MAEL: variants seen among roughly 807,000 people sequenced by gnomAD.
The protein encoded by MAEL is protein maelstrom homolog.
A neutral mutation model predicts 62.0 loss-of-function variants in MAEL; 46 were observed. The ratio of observed to expected loss-of-function variants is 0.74; its 90% CI spans 0.59 to 0.95. The LOEUF (loss-of-function observed/expected upper bound fraction) is 0.95. Among genes scored for constraint, MAEL ranks in the 40% least tolerant of loss-of-function variants. The probability of loss-of-function intolerance (pLI) is 0.00; values close to 1 mark genes in which losing one functional copy is unlikely to be tolerated. For missense variants in MAEL, 497 were observed against 526.8 expected (o/e 0.94, Z 0.55); for synonymous variants, 172 against 175.5 (o/e 0.98, Z 0.16).
intron 8 of MAEL, among the ~76,000 whole-genome samples, chr1:167,015,873 A>T (rs944652492): frequency 1.3e-5 from 2 of 152,084 alleles, no homozygotes; most frequent in East Asian, 3.9e-4. Context: ...AATAATTTCT[A>T]TTTTTTCAAT....
intron 8 of MAEL, among the ~76,000 whole-genome samples, chr1:167,010,478 C>G (rs1232864584): frequency 6.6e-6 from 1 of 151,936 alleles, no homozygotes; most frequent in African/African-American, 2.4e-5. Context: ...GAGAGTCTTG[C>G]TCTGTCACCC....
chr1:166,997,265 G>T (rs1016094254), intron 5 of MAEL, among the ~76,000 whole-genome samples: 1 of 152,192 alleles, frequency 6.6e-6, no homozygotes, highest in South Asian at 2.1e-4. Context: ...ATTTGTATTC[G>T]GTTGCATTCA....
chr1:166,989,970 C>G, intron 2 of MAEL, 141 bp downstream of exon 2: 1 of 663,588 alleles, frequency 1.5e-6, no homozygotes, highest in Non-Finnish European at 2.6e-6. Flanking sequence ...TTCTTTTCCC[C>G]TGGTGTCAGA....
chr1:167,009,647 T>C (rs957646622), intron 8 of MAEL, among the ~76,000 whole-genome samples: 9 of 151,950 alleles, frequency 5.9e-5, no homozygotes, highest in African/African-American at 2.2e-4. Flanking sequence ...GTCTAATGTT[T>C]CTTCTTAAAA....
upstream of MAEL, among the ~76,000 whole-genome samples, chr1:166,984,577 C>T (rs1186987890): frequency 6.6e-6 from 1 of 152,056 alleles, no homozygotes; most frequent in African/African-American, 2.4e-5. Context: ...AAAATAACCC[C>T]CCTAAATGAA....
chr1:166,990,093 T>C (rs1664102041), intron 2 of MAEL: 2 of 307,334 alleles, frequency 6.5e-6, no homozygotes, highest in Non-Finnish European at 1.2e-5. Context: ...GACAATACAC[T>C]TTGATCGCTA....
At chr1:167,000,688 A>G (rs934562346) in intron 5 of MAEL, among the ~76,000 whole-genome samples, 1 of 152,208 alleles carries the variant, frequency 6.6e-6, no homozygotes, top group Non-Finnish European at 1.5e-5. Flanking sequence ...CAGTGTGTCA[A>G]ACTTCATTGT....
intron 5 of MAEL, among the ~76,000 whole-genome samples, chr1:167,002,170 G>A (rs866991623): frequency 3.3e-5 from 5 of 152,100 alleles, no homozygotes; most frequent in African/African-American, 1.2e-4. Context: ...AATATACCGA[G>A]TTTGGTTTGT....
intron 8 of MAEL, among the ~76,000 whole-genome samples, chr1:167,008,672 T>C (rs1345015720): frequency 1.3e-5 from 2 of 152,224 alleles, no homozygotes; most frequent in Admixed American, 6.5e-5. Flanking sequence ...ATCTTTTGCC[T>C]GATTTTTTTG....
chr1:167,022,108 G>A lies in MAEL; in HGVS notation c.*253G>A, dbSNP rs937562470. 26 of 347,378 alleles carry A rather than the reference G, an allele frequency of 7.5e-5. No homozygotes were observed. Among genetic ancestry groups the A allele is most frequent in the African/African-American group, 5.0e-4 (24 of 47,632 alleles). 21.5% of individuals were successfully genotyped at this position (347,378 alleles called of 1,614,324 possible). On this transcript the variant is annotated 3_prime_UTR_variant, in exon 12 of 12. Transcript: ENST00000367872. Reference sequence around the variant, plus strand: ...ATCATTAAAGTTTGGAGTCCTATATGAACAAAACTGACATTTTTAGAGTTG... The same window carrying A: ...ATCATTAAAGTTTGGAGTCCTATATAAACAAAACTGACATTTTTAGAGTTG...
intron 5 of MAEL, among the ~76,000 whole-genome samples, chr1:167,002,688 G>A (rs956459243): frequency 1.3e-5 from 2 of 152,208 alleles, no homozygotes; most frequent in Admixed American, 6.5e-5. Flanking sequence ...AGAAAAGGGG[G>A]AAGGATGGAC....
intron 1 of MAEL, among the ~76,000 whole-genome samples, chr1:166,981,861 G>T (rs753574138): frequency 1.3e-5 from 2 of 152,134 alleles, no homozygotes; most frequent in Non-Finnish European, 2.9e-5. Context: ...TAATTCCACC[G>T]GCAATGTACC....
intron 8 of MAEL, among the ~76,000 whole-genome samples, chr1:167,008,492 G>T (rs1665025911): frequency 6.6e-6 from 1 of 151,722 alleles, no homozygotes. Flanking sequence ...GTATATTTGT[G>T]CTCTCTCATT....
chr1:166,996,576 A>G (rs1278189679), intron 5 of MAEL, among the ~76,000 whole-genome samples: 1 of 152,234 alleles, frequency 6.6e-6, no homozygotes, highest in Non-Finnish European at 1.5e-5. Context: ...CCCACAAGTC[A>G]ACTGAAAAAA....
intron 5 of MAEL, among the ~76,000 whole-genome samples, chr1:166,999,154 CTTTAAATCAAAAGCTAGAAA>C (rs1419775690): frequency 6.6e-6 from 1 of 152,186 alleles, no homozygotes; most frequent in Non-Finnish European, 1.5e-5. Flanking sequence ...ATGTCTCTCA[CTTTAAATCAAAAGCTAGAAA>C]TGATTCAGCT....
upstream of MAEL, among the ~76,000 whole-genome samples, chr1:166,987,195 C>T (rs1273591392): frequency 6.6e-6 from 1 of 152,108 alleles, no homozygotes; most frequent in Non-Finnish European, 1.5e-5. Flanking sequence ...ATCTCCCCTC[C>T]CCACCTCCGG....
At chr1:166,981,772 C>T (rs1206752781) in intron 1 of MAEL, among the ~76,000 whole-genome samples, 3 of 152,144 alleles carry the variant, frequency 2.0e-5, no homozygotes, top group African/African-American at 7.2e-5. Context: ...CATAGGTTTA[C>T]AAAAGGCAGA....
At chr1:166,997,351 T>C (rs1211586208) in intron 5 of MAEL, among the ~76,000 whole-genome samples, 2 of 152,226 alleles carry the variant, frequency 1.3e-5, no homozygotes, top group African/African-American at 4.8e-5. Context: ...TTTCCTGTGT[T>C]TTTTAACTCA....
intron 1 of MAEL, among the ~76,000 whole-genome samples, chr1:166,978,297 G>A (rs765376833): frequency 3.3e-5 from 5 of 152,162 alleles, no homozygotes; most frequent in Non-Finnish European, 5.9e-5. Context: ...ATCCTGAAGG[G>A]GATGCTAAAC....
Sources: gnomAD v4.1 joint callset for allele counts (sites outside exome capture counted in the v4.1 genomes callset) on GRCh38, gnomAD v4.1.1 for gene constraint, MANE v1.5 for transcripts, NCBI Gene and HGNC (gene_info 2026-07-23, HGNC 2026-07-21) for gene names.